The following AGBL1 variants were observed in gnomAD, a reference collection of about 807,000 sequenced individuals.
AGBL1 encodes AGBL carboxypeptidase 1.
A neutral mutation model predicts 118.9 loss-of-function variants in AGBL1; 130 were observed. The ratio of observed to expected loss-of-function variants is 1.09; its 90% CI spans 0.95 to 1.26. The LOEUF (loss-of-function observed/expected upper bound fraction) is 1.26, where lower values mean the gene tolerates loss of function less well. AGBL1 is among the 50% of genes most tolerant of loss of function. The pLI, the probability that AGBL1 is intolerant of heterozygous loss-of-function variation, is 0.00. For synonymous variants in AGBL1, 555 were observed against 478.9 expected, an observed-to-expected ratio of 1.16 and a Z score of -2.08; for missense variants, 1,584 against 1,298.1, an observed-to-expected ratio of 1.22 and a Z score of -3.38.
chr15:86,901,477 G>C (rs898299886), intron 22 of AGBL1, among the ~76,000 whole-genome samples: 1 of 151,804 alleles, frequency 6.6e-6, no homozygotes, highest in Non-Finnish European at 1.5e-5. Context: ...ATACATAATG[G>C]TGTCTTCATT....
In AGBL1 at chr15:86,510,197, A is replaced by G. The variant is rs569463170; in HGVS notation, c.2556-12613A>G. Among the ~76,000 whole-genome samples, 9 of 152,236 alleles carry G rather than the reference A, an allele frequency of 5.9e-5. 1 individual carries two copies. In the South Asian group the frequency reaches 1.7e-3, roughly 28 times the overall value. On this transcript the variant is annotated intron_variant, in intron 18 of 22. Transcript: ENST00000614907. ...GTCCTAAGAGACTAATCAGGATTTT[A>G]TTATACATCCAGAGTTAAACACATT...
intron 23 of AGBL1, among the ~76,000 whole-genome samples, chr15:86,987,679 T>C (rs186803913): frequency 3.3e-5 from 5 of 152,306 alleles, no homozygotes; most frequent in Admixed American, 1.3e-4. Context: ...AATGATATAA[T>C]CGTGTTTCCT....
chr15:87,003,484 G>T (rs1338817579), intron 24 of AGBL1, among the ~76,000 whole-genome samples: 3 of 152,096 alleles, frequency 2.0e-5, no homozygotes, highest in African/African-American at 7.2e-5. Context: ...TGATGATGCT[G>T]TCCTCACAAA....
chr15:86,517,843 C>T (rs1276639065), intron 18 of AGBL1, among the ~76,000 whole-genome samples: 1 of 152,168 alleles, frequency 6.6e-6, no homozygotes, highest in African/African-American at 2.4e-5. Context: ...TTGGAAAGCT[C>T]TGGGTGCAGT....
chr15:86,881,149 AG>A (rs2079886054), intron 22 of AGBL1, among the ~76,000 whole-genome samples: 1 of 152,200 alleles, frequency 6.6e-6, no homozygotes, highest in Non-Finnish European at 1.5e-5. Context: ...TGGGGAGTCT[AG>A]GTTTTGTCAC....
intron 1 of AGBL1, among the ~76,000 whole-genome samples, chr15:86,139,580 G>A (rs1597446028): frequency 6.6e-6 from 1 of 151,036 alleles, no homozygotes; most frequent in South Asian, 2.1e-4. Flanking sequence ...TTAACATGGT[G>A]GAAACTCGTC....
chr15:86,879,521 C>A (rs1311801326), intron 22 of AGBL1, among the ~76,000 whole-genome samples: 1 of 152,160 alleles, frequency 6.6e-6, no homozygotes, highest in Admixed American at 6.5e-5. Context: ...CTCCTCCTTG[C>A]CCTCTTGCTA....
At chr15:86,359,387 CTTTTTTTTTTTTTTTTT>C (rs56189861) in intron 17 of AGBL1, among the ~76,000 whole-genome samples, 1 of 93,808 alleles carries the variant, frequency 1.1e-5, no homozygotes, top group African/African-American at 4.1e-5. Context: ...TATTGGTTTT[CTTTTTTTTTTTTTTTTT>C]TTTTTTTGAA....
intron 5 of AGBL1, among the ~76,000 whole-genome samples, chr15:86,214,216 C>T (rs2078148021): frequency 6.6e-6 from 1 of 152,314 alleles, no homozygotes. Flanking sequence ...CAGAAACTGT[C>T]TGCTGGGTGC....
chr15:87,001,615 A>G (rs1214955475), intron 24 of AGBL1, among the ~76,000 whole-genome samples: 2 of 151,914 alleles, frequency 1.3e-5, no homozygotes, highest in East Asian at 1.9e-4. Flanking sequence ...AAGTGTTCCT[A>G]TTTCTCCACA....
At chr15:86,426,853 G>A (rs1196634211) in intron 18 of AGBL1, among the ~76,000 whole-genome samples, 1 of 152,094 alleles carries the variant, frequency 6.6e-6, no homozygotes, top group African/African-American at 2.4e-5. Flanking sequence ...TGCAACCTCC[G>A]CCTCCCTTTT....
At chr15:86,279,872 G>A (rs2079321458) in intron 16 of AGBL1, 89 bp downstream of exon 16, 1 of 1,506,148 alleles carries the variant, frequency 6.6e-7, no homozygotes, top group East Asian at 2.3e-5. Flanking sequence ...CTGACATCCT[G>A]ATGGGGTGCA....
rs181066901 is a variant in AGBL1 at position 86,320,450 on chromosome 15, T to C, written c.2374+25042T>C. Among the ~76,000 whole-genome samples, 154 of 152,242 alleles carry C rather than the reference T, an allele frequency of 1.0e-3. 1 individual carries two copies. Among genetic ancestry groups the C allele is most frequent in the Admixed American group, 8.9e-3 (136 of 15,296 alleles). The stretch of plus-strand genomic sequence containing the variant: ...TAGAAAAATGTGATGGATTTTTCTA[T>C]ATTTGTTTTGTATTTTAAAATGATA... On this transcript the variant is annotated intron_variant, in intron 17 of 22. Transcript: ENST00000614907.
Position 86,856,237 on chromosome 15 carries a change from T to A in AGBL1, c.3159-50850T>A, listed in dbSNP as rs143437078. 2.7e-4 allele frequency among the ~76,000 whole-genome samples: 41 copies of A among 152,316 alleles called. No homozygotes were observed. The East Asian group carries it at 6.6e-3, about 24-fold the overall frequency. On this transcript the variant is annotated intron_variant, in intron 22 of 22. Transcript: ENST00000614907. ...CCCTGCCTCCCCAGAGGCTGAGATGTTATCTGTGAGTTTTTTGAAGGAGAA... is the reference window on the plus strand; with the variant it reads ...CCCTGCCTCCCCAGAGGCTGAGATGATATCTGTGAGTTTTTTGAAGGAGAA...
At chr15:86,367,148 A>T (rs2080900109) in intron 17 of AGBL1, among the ~76,000 whole-genome samples, 2 of 152,240 alleles carry the variant, frequency 1.3e-5, no homozygotes, top group South Asian at 4.1e-4. Flanking sequence ...GGTTTCAACG[A>T]AGTAGAAAAA....
At chr15:86,447,278 A>G (rs1054297456) in intron 18 of AGBL1, among the ~76,000 whole-genome samples, 3 of 152,190 alleles carry the variant, frequency 2.0e-5, no homozygotes, top group African/African-American at 7.2e-5. Context: ...TAAAACCTAG[A>G]GCTACTGCAA....
At chr15:86,338,585 A>G (rs894945196) in intron 17 of AGBL1, among the ~76,000 whole-genome samples, 1 of 152,172 alleles carries the variant, frequency 6.6e-6, no homozygotes, top group African/African-American at 2.4e-5. Flanking sequence ...GTAACTTTGA[A>G]CAGAACCACA....
chr15:86,299,825 G>C (rs2079717700), intron 17 of AGBL1: 1 of 152,024 alleles, frequency 6.6e-6, no homozygotes, highest in Non-Finnish European at 1.5e-5. Flanking sequence ...TCGGTGGGTG[G>C]TGTGGTATCT....
chr15:86,827,430 CACATAT>C (rs1182703971), intron 22 of AGBL1, among the ~76,000 whole-genome samples: 1 of 3,938 alleles, frequency 2.5e-4, no homozygotes, highest in African/African-American at 6.9e-4. Context: ...TATATATATA[CACATAT>C]ATATATGTGT....
Sources: gnomAD v4.1 joint callset for allele counts (sites outside exome capture counted in the v4.1 genomes callset) on GRCh38, gnomAD v4.1.1 for gene constraint, MANE v1.5 for transcripts, NCBI Gene and HGNC (gene_info 2026-07-23, HGNC 2026-07-21) for gene names.